The following F13B variants were observed in gnomAD, a reference collection of about 807,000 sequenced individuals.
F13B encodes the protein TGase.
In F13B, 58 loss-of-function variants were observed where a neutral mutation model predicts 79.8. The ratio of observed to expected loss-of-function variants is 0.73; its 90% CI spans 0.59 to 0.90. F13B has a LOEUF of 0.90. Among genes scored for constraint, F13B ranks in the 40% least tolerant of loss-of-function variants. The pLI, the probability that F13B is intolerant of heterozygous loss-of-function variation, is 0.00. For synonymous variants in F13B, 283 were observed against 260.3 expected (o/e 1.09, Z -0.84); for missense variants, 773 against 777.0 (o/e 0.99, Z 0.06).
At chr1:197,052,534 T>G in intron 9 of F13B, 100 bp downstream of exon 9, 1 of 767,144 alleles carries the variant, frequency 1.3e-6, no homozygotes, top group East Asian at 2.8e-5. Flanking sequence ...TTAAAAAGAA[T>G]AATAATAAGA....
intron 10 of F13B, among the ~76,000 whole-genome samples, chr1:197,049,523 C>A (rs1655363446): frequency 6.6e-6 from 1 of 152,068 alleles, no homozygotes; most frequent in Non-Finnish European, 1.5e-5. Flanking sequence ...CCTACCAAAA[C>A]TGACAGAAGA....
intron 2 of F13B, 122 bp from the exon 3 acceptor site, chr1:197,062,091 AT>A: frequency 3.6e-6 from 3 of 841,564 alleles, no homozygotes; most frequent in Non-Finnish European, 5.6e-6. Flanking sequence ...TATCTGCATA[AT>A]TTTTTTGAAA....
Position 197,060,532 on chromosome 1 carries a change from G to A in F13B, c.639C>T (p.Cys213=), listed in dbSNP as rs1655813080. 6.3e-6 allele frequency: 10 copies of A among 1,581,866 alleles called. No homozygotes were observed. Among genetic ancestry groups the A allele is most frequent in the Non-Finnish European group, 8.6e-6 (10 of 1,157,738 alleles). ...CATTTTCAATTAATCTTAAAGAAGA[G>A]CACTTTAATTCTGCAAATAAAAGAA... is the stretch of plus-strand genomic sequence containing the variant. ...SLTPKCTKLK[C]SSLRLIENGY... is the part of the protein sequence containing the mutation. The change falls in exon 5 of 12, where the codon TGC becomes TGT. Residue 213 remains cysteine (C), a synonymous_variant. Transcript: ENST00000367412.
chr1:197,060,250 T>A, intron 5 of F13B, 116 bp downstream of exon 5: 1 of 671,432 alleles, frequency 1.5e-6, no homozygotes, highest in Admixed American at 2.7e-5. Context: ...ATATTTATTT[T>A]AAAAATAGGA....
intron 1 of F13B, among the ~76,000 whole-genome samples, chr1:197,065,914 A>G (rs1055567744): frequency 6.6e-6 from 1 of 152,156 alleles, no homozygotes. Context: ...AATTAATTCA[A>G]TTCTTGTCCC....
intron 5 of F13B, among the ~76,000 whole-genome samples, chr1:197,059,945 CT>C (rs1162311577): frequency 6.6e-6 from 1 of 152,074 alleles, no homozygotes; most frequent in Non-Finnish European, 1.5e-5. Flanking sequence ...TATTCTTCTG[CT>C]TTTCCTGCTT....
intron 10 of F13B, among the ~76,000 whole-genome samples, chr1:197,044,334 T>C (rs857027): frequency 0.79 from 119,967 of 151,978 alleles, 50,343 homozygotes; most frequent in East Asian, 1. Flanking sequence ...GGTCGTCTAC[T>C]ATTGCTGAGC....
chr1:197,063,943 AT>A (rs1655961191), intron 1 of F13B, among the ~76,000 whole-genome samples: 1 of 152,180 alleles, frequency 6.6e-6, no homozygotes, highest in Admixed American at 6.6e-5. Context: ...ATGCTAACTC[AT>A]AAAAAATTTT....
At chr1:197,057,701 G>A (rs901672926) in intron 5 of F13B, among the ~76,000 whole-genome samples, 2 of 152,040 alleles carry the variant, frequency 1.3e-5, no homozygotes, top group East Asian at 1.9e-4. Flanking sequence ...GGATTAGTAC[G>A]TGATTATGCA....
At chr1:197,059,086 G>A (rs1253261049) in intron 5 of F13B, among the ~76,000 whole-genome samples, 2 of 151,848 alleles carry the variant, frequency 1.3e-5, no homozygotes, top group East Asian at 1.9e-4. Flanking sequence ...CATGGTGGCC[G>A]ACACCTGTAG....
rs370366792 is a variant in F13B at position 197,063,074 on chromosome 1, T to C, written c.65-17A>G. 1.4e-5 allele frequency: 22 copies of C among 1,601,234 alleles called. No homozygotes were observed. In the African/African-American group the frequency reaches 2.9e-4, roughly 21 times the overall value. Reference sequence around the variant, plus strand: ...AGGGTTTCTCTGAAATGAGTAAATGTCAAGCTGAAAATGGAAAAACAAATC... The same window carrying C: ...AGGGTTTCTCTGAAATGAGTAAATGCCAAGCTGAAAATGGAAAAACAAATC... On this transcript the variant is annotated splice_polypyrimidine_tract_variant and intron_variant, in intron 1 of 11. Coordinates refer to ENST00000367412, the MANE Select transcript of F13B (RefSeq NM_001994.3).
chr1:197,044,329 T>C (rs1001288468), intron 10 of F13B, among the ~76,000 whole-genome samples: 12 of 152,016 alleles, frequency 7.9e-5, no homozygotes, highest in Non-Finnish European at 1.3e-4. Context: ...GGGAGGGTCG[T>C]CTACTATTGC....
At chr1:197,057,799 T>G (rs1655702793) in intron 5 of F13B, among the ~76,000 whole-genome samples, 1 of 152,290 alleles carries the variant, frequency 6.6e-6, no homozygotes, top group African/African-American at 2.4e-5. Context: ...AGAGGCTACA[T>G]CATGAGCTTC....
At chr1:197,065,905 A>G (rs1173106055) in intron 1 of F13B, among the ~76,000 whole-genome samples, 2 of 152,156 alleles carry the variant, frequency 1.3e-5, no homozygotes, top group African/African-American at 4.8e-5. Context: ...GAGAAACACA[A>G]TTAATTCAAT....
intron 10 of F13B, among the ~76,000 whole-genome samples, chr1:197,048,410 C>G (rs1238744178): frequency 1.3e-5 from 2 of 150,910 alleles, no homozygotes; most frequent in African/African-American, 4.9e-5. Flanking sequence ...AGTAAAAACC[C>G]AGAAGGTTGA....
intron 10 of F13B, among the ~76,000 whole-genome samples, chr1:197,042,830 A>T (rs1019326002): frequency 4.6e-5 from 7 of 151,006 alleles, no homozygotes; most frequent in African/African-American, 1.7e-4. Flanking sequence ...AAAAAAAAAA[A>T]AATTCTATGT....
At position 197,050,877 on chromosome 1, in the gene F13B, A is replaced by T. The variant is rs1396849106; in HGVS notation, c.1558T>A (p.Ser520Thr). 1 of 1,612,420 alleles carries T rather than the reference A, an allele frequency of 6.2e-7. No homozygotes were observed. The highest frequency in any genetic ancestry group is 2.2e-5 in the East Asian group (1 of 44,808). Residue 520 changes from serine (S) to threonine (T), a missense_variant and splice_region_variant, in exon 10 of 12, where the codon TCT (serine) becomes ACT (threonine). Transcript: ENST00000367412. ...GGAGGAGATGTGCACATTCCTTTAG[A>T]TTCTGCAAAAATAAGTTTTAAAGTA... ...VKYPLCTRKE[S>T]KGMCTSPPLI...
chr1:197,066,100 G>T (rs1167351472), intron 1 of F13B, among the ~76,000 whole-genome samples: 1 of 151,858 alleles, frequency 6.6e-6, no homozygotes, highest in Non-Finnish European at 1.5e-5. Context: ...AATTATATCT[G>T]CTGGTATTTC....
intron 1 of F13B, among the ~76,000 whole-genome samples, chr1:197,066,389 C>T (rs927374585): frequency 2.6e-5 from 4 of 152,084 alleles, no homozygotes; most frequent in African/African-American, 7.2e-5. Flanking sequence ...TAAGTGTCCT[C>T]CCTGGATTCT....
Sources: gnomAD v4.1 joint callset for allele counts (sites outside exome capture counted in the v4.1 genomes callset) on GRCh38, gnomAD v4.1.1 for gene constraint, MANE v1.5 for transcripts, NCBI Gene and HGNC (gene_info 2026-07-23, HGNC 2026-07-21) for gene names.